The following TSPAN11 variants were observed in gnomAD, a reference collection of about 807,000 sequenced individuals.
TSPAN11 encodes tetraspanin 11.
A neutral mutation model predicts 32.9 loss-of-function variants in TSPAN11; 29 were observed. The ratio of observed to expected loss-of-function variants is 0.88; its 90% confidence interval spans 0.66 to 1.20. TSPAN11 has a LOEUF of 1.20. Among genes scored for constraint, TSPAN11 ranks in the 50% most tolerant of loss-of-function variants. The pLI, the probability that TSPAN11 is intolerant of heterozygous loss-of-function variation, is 0.00. For synonymous variants in TSPAN11, 140 were observed against 141.3 expected (o/e 0.99, Z 0.07); for missense variants, 283 against 329.1 (o/e 0.86, Z 1.08).
rs114949959 is a variant in TSPAN11 at position 30,943,765 on chromosome 12, G to A, written c.-11-10216G>A. 1.5e-3 allele frequency among the ~76,000 whole-genome samples: 229 copies of A among 152,322 alleles called. 3 individuals are homozygous for A. The highest frequency in any genetic ancestry group is 5.2e-3 in the African/African-American group (216 of 41,570). On this transcript the variant is annotated intron_variant, in intron 1 of 7. Coordinates refer to ENST00000546076, the MANE Select transcript of TSPAN11 (RefSeq NM_001370302.1). ...AGTCTCACTTCTATGACTGCTTCAG[G>A]AAGATGGACAGTCACAGTGTCCACT...
intron 1 of TSPAN11, among the ~76,000 whole-genome samples, chr12:30,939,031 G>A (rs1187023352): frequency 1.3e-5 from 2 of 151,972 alleles, no homozygotes; most frequent in Non-Finnish European, 2.9e-5. Context: ...CCAGGAGTTC[G>A]AGACCAGCCT....
At chr12:30,972,293 C>A (rs371275664) in intron 3 of TSPAN11, among the ~76,000 whole-genome samples, 1 of 152,094 alleles carries the variant, frequency 6.6e-6, no homozygotes, top group Non-Finnish European at 1.5e-5. Flanking sequence ...AAGATCAGAG[C>A]CAGGAGGGCA....
At chr12:30,979,287 T>A (rs1459903510) in intron 4 of TSPAN11, among the ~76,000 whole-genome samples, 2 of 152,186 alleles carry the variant, frequency 1.3e-5, no homozygotes, top group African/African-American at 4.8e-5. Context: ...AGCTTCTGGA[T>A]GTGACCCTTT....
chr12:30,963,834 A>C lies in TSPAN11; in HGVS notation c.93A>C (p.Gly31=). The C allele has an allele frequency of 6.2e-7, 1 of 1,607,524 alleles. No homozygotes were observed. The highest frequency in any genetic ancestry group is 8.5e-7 in the Non-Finnish European group (1 of 1,179,746). Residue 31 remains glycine (G), a synonymous_variant, in exon 3 of 8, where the codon GGA becomes GGC. Coordinates refer to ENST00000546076, the MANE Select transcript of TSPAN11 (RefSeq NM_001370302.1). The part of the protein sequence containing the change: ...FVFNFFFWVG[G]AAVLAVGIWT... The stretch of plus-strand genomic sequence containing the variant: ...CCGGTGGTCTCCTGCAGGTCGGGGG[A>C]GCAGCCGTCCTGGCTGTGGGCATCT...
At chr12:30,942,132 T>C (rs572736089) in intron 1 of TSPAN11, among the ~76,000 whole-genome samples, 1 of 152,340 alleles carries the variant, frequency 6.6e-6, no homozygotes, top group Admixed American at 6.5e-5. Flanking sequence ...GATGTATTTT[T>C]AGGGTTACCC....
rs1938414150 is a variant in TSPAN11 at position 30,953,146 on chromosome 12, A to G, written c.-11-835A>G. Among the ~76,000 whole-genome samples the G allele has an allele frequency of 2.0e-5, 3 of 152,194 alleles. No individual in the cohort carries two copies. In the South Asian group the frequency reaches 6.2e-4, roughly 32 times the overall value. On this transcript the variant is annotated intron_variant, in intron 1 of 7. Transcript: ENST00000546076. ...GTAAAGACGGGAGTTTTAGGACTAGAGTCTTAGGCTCTAGCCCCAGTTCTT... is the reference window on the plus strand; with the variant it reads ...GTAAAGACGGGAGTTTTAGGACTAGGGTCTTAGGCTCTAGCCCCAGTTCTT...
intron 5 of TSPAN11, among the ~76,000 whole-genome samples, chr12:30,981,968 C>G (rs563303185): frequency 1.3e-5 from 2 of 152,338 alleles, no homozygotes; most frequent in East Asian, 3.9e-4. Context: ...GCTGGTGCTT[C>G]CCTGCCCTGG....
intron 7 of TSPAN11, among the ~76,000 whole-genome samples, chr12:30,984,050 A>T (rs1939150410): frequency 6.6e-6 from 1 of 152,166 alleles, no homozygotes; most frequent in Non-Finnish European, 1.5e-5. Flanking sequence ...ACTCTAGTCA[A>T]GGGTCCGAAG....
intron 1 of TSPAN11, among the ~76,000 whole-genome samples, chr12:30,937,716 C>T (rs1938075761): frequency 6.6e-6 from 1 of 152,194 alleles, no homozygotes; most frequent in Non-Finnish European, 1.5e-5. Flanking sequence ...ACAGCATCAG[C>T]CTCACCTGGA....
chr12:30,956,211 A>G (rs1938475107), intron 2 of TSPAN11, among the ~76,000 whole-genome samples: 1 of 152,256 alleles, frequency 6.6e-6, no homozygotes, highest in Non-Finnish European at 1.5e-5. Context: ...ACCAAGGTTC[A>G]GCTTCAGTCT....
intron 1 of TSPAN11, among the ~76,000 whole-genome samples, chr12:30,942,131 T>G (rs533387715): frequency 6.6e-6 from 1 of 152,322 alleles, no homozygotes; most frequent in African/African-American, 2.4e-5. Context: ...TGATGTATTT[T>G]TAGGGTTACC....
the TSPAN11 span, among the ~76,000 whole-genome samples, chr12:31,007,033 C>T: frequency 1.3e-5 from 2 of 152,174 alleles, no homozygotes; most frequent in East Asian, 3.9e-4. Context: ...CCACCAGTCT[C>T]CCATCGGTGT....
At chr12:31,005,430 G>A in the TSPAN11 span, among the ~76,000 whole-genome samples, 4 of 152,302 alleles carry the variant, frequency 2.6e-5, no homozygotes, top group South Asian at 4.1e-4. Context: ...CCTACCCCAT[G>A]GGGGGAACAA....
chr12:30,975,541 T>G lies in TSPAN11; in HGVS notation c.277-3020T>G, dbSNP rs1187707088. 2.0e-5 allele frequency among the ~76,000 whole-genome samples: 3 copies of G among 152,244 alleles called. No homozygotes were observed. The highest frequency in any genetic ancestry group is 3.9e-4 in the East Asian group (2 of 5,170). ...CCTCCTGACCACTCCGCAGGTCAGA[T>G]AGCCTGTTTGATGCCTCTGAACCAG... is the stretch of plus-strand genomic sequence containing the variant. On this transcript the variant is annotated intron_variant, in intron 3 of 7. Coordinates refer to ENST00000546076, the MANE Select transcript of TSPAN11 (RefSeq NM_001370302.1). The surrounding 1 kb of genome is among the most constrained non-coding windows in gnomAD (Gnocchi z 4.5).
the TSPAN11 span, among the ~76,000 whole-genome samples, chr12:31,002,350 G>A: frequency 6.6e-6 from 1 of 152,284 alleles, no homozygotes; most frequent in South Asian, 2.1e-4. The surrounding 1 kb of genome is among the most constrained non-coding windows in gnomAD (Gnocchi z 4.8). Flanking sequence ...AGACCCACAT[G>A]CACACTCGTT....
chr12:30,982,579 G>A lies in TSPAN11; in HGVS notation c.504G>A (p.Thr168=), dbSNP rs199881653. Residue 168 remains threonine (T), a synonymous_variant, in exon 6 of 8, where the codon ACG becomes ACA. Transcript: ENST00000546076. The part of the protein sequence containing the change: ...SNSSADWQHS[T]YILLREAEGR... ...GCTCAGCCGACTGGCAGCACAGCACGTACATCCTGTTGCGGGAGGCCGAGG... is the reference window on the plus strand; with the variant it reads ...GCTCAGCCGACTGGCAGCACAGCACATACATCCTGTTGCGGGAGGCCGAGG... 8.8e-5 allele frequency: 142 copies of A among 1,613,062 alleles called. 1 individual carries two copies. In the East Asian group the frequency reaches 2.8e-3, roughly 31 times the overall value.
intron 7 of TSPAN11, among the ~76,000 whole-genome samples, chr12:30,984,552 C>CGTT (rs1939162188): frequency 2.9e-5 from 2 of 68,574 alleles, no homozygotes; most frequent in African/African-American, 1.1e-4. Flanking sequence ...TCGCTTTTTG[C>CGTT]TTTTTTTTTT....
intron 1 of TSPAN11, chr12:30,927,039 G>A (rs1244608706): frequency 7.8e-7 from 1 of 1,283,856 alleles, no homozygotes; most frequent in East Asian, 5.8e-5. Context: ...GCAACACGGT[G>A]TCCATAACTA....
intron 1 of TSPAN11, chr12:30,926,998 G>T (rs1232614519): frequency 7.8e-7 from 1 of 1,283,628 alleles, no homozygotes; most frequent in Non-Finnish European, 1.0e-6. Flanking sequence ...CGCGGGGCAT[G>T]TGAGCAGGTA....
Sources: gnomAD v4.1 joint callset for allele counts (sites outside exome capture counted in the v4.1 genomes callset) on GRCh38, gnomAD v4.1.1 for gene constraint, Gnocchi (gnomAD v3.1) non-coding constraint, MANE v1.5 for transcripts, NCBI Gene and HGNC (gene_info 2026-07-23, HGNC 2026-07-21) for gene names.